Variants in UNC79 observed in about 807,000 individuals in gnomAD.
UNC79 encodes unc-79 subunit of NALCN channel complex, also known as protein unc-79 homolog.
Under a neutral mutation model 283.1 loss-of-function variants are expected in UNC79, and 37 were observed. The ratio of observed to expected loss-of-function variants is 0.13; its 90% CI spans 0.10 to 0.17. UNC79 has a LOEUF of 0.17. Ranked by LOEUF, UNC79 falls within the 10% of genes least tolerant of loss-of-function variation. The pLI is 1.00. For missense variants in UNC79, 2,272 were observed against 3,211.1 expected, an observed-to-expected ratio of 0.71 and a Z score of 7.07; for synonymous variants, 1,107 against 1,200.2, an observed-to-expected ratio of 0.92 and a Z score of 1.61.
chr14:93,534,393 T>A (rs1204419192), intron 11 of UNC79, among the ~76,000 whole-genome samples: 2 of 152,212 alleles, frequency 1.3e-5, no homozygotes, highest in Non-Finnish European at 2.9e-5. Flanking sequence ...ACTGCGTCTC[T>A]TTAGTTTTAG....
At chr14:93,475,667 G>A (rs967895674) in intron 3 of UNC79, among the ~76,000 whole-genome samples, 3 of 152,170 alleles carry the variant, frequency 2.0e-5, no homozygotes, top group Non-Finnish European at 2.9e-5. Context: ...TTGTCAGTGC[G>A]TCTCCTTCGT....
chr14:93,507,147 T>C (rs770755898), intron 7 of UNC79, among the ~76,000 whole-genome samples: 8 of 152,340 alleles, frequency 5.3e-5, no homozygotes, highest in Non-Finnish European at 8.8e-5. Context: ...AACCTTCCTA[T>C]TGATGTATAT....
intron 41 of UNC79, among the ~76,000 whole-genome samples, chr14:93,682,379 C>T (rs760053298): frequency 6.6e-6 from 1 of 152,028 alleles, no homozygotes; most frequent in Non-Finnish European, 1.5e-5. Flanking sequence ...TGATTGAATG[C>T]ACCATTTCAG....
intron 41 of UNC79, among the ~76,000 whole-genome samples, chr14:93,682,319 G>A (rs2073911855): frequency 6.6e-6 from 1 of 152,176 alleles, no homozygotes; most frequent in Admixed American, 6.5e-5. Flanking sequence ...ACAATAAATA[G>A]AATGACTTCA....
intron 13 of UNC79, among the ~76,000 whole-genome samples, chr14:93,542,148 G>A (rs762255992): frequency 6.6e-6 from 1 of 151,970 alleles, no homozygotes; most frequent in African/African-American, 2.4e-5. Context: ...TTTCATTGAG[G>A]ATATTGATGA....
intron 4 of UNC79, among the ~76,000 whole-genome samples, chr14:93,485,421 G>A (rs1405354426): frequency 6.6e-6 from 1 of 151,788 alleles, no homozygotes; most frequent in Non-Finnish European, 1.5e-5. Flanking sequence ...GTGGTCCAAA[G>A]CCAGCTTGCA....
intron 46 of UNC79, among the ~76,000 whole-genome samples, chr14:93,693,323 G>A (rs1019943154): frequency 2.6e-5 from 4 of 152,116 alleles, no homozygotes; most frequent in Admixed American, 2.0e-4. Flanking sequence ...CAAAACTGAG[G>A]CCTTACACTT....
intron 22 of UNC79, among the ~76,000 whole-genome samples, chr14:93,588,188 T>C (rs925350236): frequency 6.6e-6 from 1 of 152,156 alleles, no homozygotes; most frequent in Non-Finnish European, 1.5e-5. Flanking sequence ...AAGATAGGGA[T>C]TTTATTTAAT....
chr14:93,577,053 A>T (rs2063516401), intron 17 of UNC79, among the ~76,000 whole-genome samples: 1 of 140,470 alleles, frequency 7.1e-6, no homozygotes, highest in African/African-American at 2.5e-5. Flanking sequence ...TCAAAAACTT[A>T]GCTGGGCCTG....
At chr14:93,562,087 C>T (rs1368946293) in intron 14 of UNC79, among the ~76,000 whole-genome samples, 1 of 152,134 alleles carries the variant, frequency 6.6e-6, no homozygotes, top group Admixed American at 6.5e-5. Flanking sequence ...GGAGTACTTG[C>T]GACTTCCAGG....
In UNC79 at chr14:93,586,889, G is replaced by A. The variant is rs184571396; in HGVS notation, c.3013G>A (p.Asp1005Asn). 1.2e-5 allele frequency: 20 copies of A among 1,613,832 alleles called. No individual in the cohort carries two copies. The East Asian group carries it at 4.5e-4, about 36-fold the overall frequency. ...CCCTCAATTTTTAGCCTACATTCAG[G>A]ACCACATGTTGATTGCAAGGTACGT... Residue 1005 changes from aspartate (D) to asparagine (N), a missense_variant, in exon 22 of 49, where the codon GAC (aspartate) becomes AAC (asparagine). Asp to Asn is a conservative substitution (Grantham distance 23). Around this residue, in one of 11 missense-constraint regions of UNC79, gnomAD observed 237 missense variants for 378.9 expected, o/e 0.63. Coordinates refer to ENST00000555664, the Ensembl canonical transcript of UNC79.
intron 27 of UNC79, among the ~76,000 whole-genome samples, chr14:93,613,347 T>A (rs1303034263): frequency 1.3e-5 from 2 of 151,796 alleles, no homozygotes; most frequent in Non-Finnish European, 2.9e-5. Flanking sequence ...AGAAAGATGC[T>A]AACCTTGTAG....
chr14:93,371,487 G>A (rs2054445068), intron 1 of UNC79, among the ~76,000 whole-genome samples: 1 of 152,040 alleles, frequency 6.6e-6, no homozygotes, highest in South Asian at 2.1e-4. Context: ...TGAAAACGCA[G>A]AAAAAAATTC....
chr14:93,403,452 C>G (rs1428603121), intron 1 of UNC79, among the ~76,000 whole-genome samples: 1 of 152,182 alleles, frequency 6.6e-6, no homozygotes, highest in Admixed American at 6.5e-5. Context: ...AAATGGGAGG[C>G]AGGTTTGCCT....
In UNC79 at chr14:93,396,767, A is replaced by ATGTGTGTGTGTGTG. The variant is rs1413500764; in HGVS notation, c.-351+63253_-351+63254insGTGTGTGTGTGTGT. Reference sequence around the variant, plus strand: ...AAATCTCCCAGTCTTTGCAAAGGGCATGTGTGTGTATGTGTGTGTGTGTGT... The same window carrying ATGTGTGTGTGTGTG: ...AAATCTCCCAGTCTTTGCAAAGGGCATGTGTGTGTGTGTGTGTGTGTGTATGTGTGTGTGTGTGT... On this transcript the variant is annotated intron_variant, in intron 1 of 49. Coordinates refer to the UNC79 transcript ENST00000256339. 7.9e-3 allele frequency among the ~76,000 whole-genome samples: 603 copies of ATGTGTGTGTGTGTG among 76,478 alleles called. 2 individuals are homozygous for ATGTGTGTGTGTGTG. Among genetic ancestry groups the ATGTGTGTGTGTGTG allele is most frequent in the Non-Finnish European group, 0.012 (362 of 31,218 alleles). The allele number at this position is 76,478 out of a possible 152,430, so 50.2% of individuals were successfully genotyped here. A position where few individuals can be genotyped will look rare whatever the true frequency, so the allele number is the denominator to read the frequency against.
chr14:93,704,609 G>A lies in UNC79; in HGVS notation c.7549-16G>A. The A allele has an allele frequency of 2.5e-6, 4 of 1,614,026 alleles. No individual in the cohort carries two copies. The highest frequency in any genetic ancestry group is 3.4e-6 in the Non-Finnish European group (4 of 1,179,870). On this transcript the variant is annotated splice_polypyrimidine_tract_variant and intron_variant, in intron 47 of 48. Transcript: ENST00000555664. Reference sequence around the variant, plus strand: ...AGAGGACACTAATAATGAAGCTTTTGTCTTTCTCTATACAGCTGATACCTA... The same window carrying A: ...AGAGGACACTAATAATGAAGCTTTTATCTTTCTCTATACAGCTGATACCTA...
chr14:93,447,389 A>G (rs1162554956), intron 1 of UNC79, among the ~76,000 whole-genome samples: 4 of 152,164 alleles, frequency 2.6e-5, no homozygotes, highest in African/African-American at 9.6e-5. Context: ...GAAATCTTGC[A>G]ACTTTATAGG....
intron 1 of UNC79, among the ~76,000 whole-genome samples, chr14:93,460,602 T>C (rs2056933946): frequency 6.6e-6 from 1 of 152,128 alleles, no homozygotes; most frequent in African/African-American, 2.4e-5. Flanking sequence ...ACTCTGCTGG[T>C]ATGTAAACAG....
intron 1 of UNC79, among the ~76,000 whole-genome samples, chr14:93,352,614 T>C (rs1415888728): frequency 2.0e-5 from 3 of 152,212 alleles, no homozygotes; most frequent in African/African-American, 7.2e-5. Context: ...TTTTGTTCTA[T>C]AAAGGCACTG....
Sources: gnomAD v4.1 joint callset for allele counts (sites outside exome capture counted in the v4.1 genomes callset) on GRCh38, gnomAD v4.1.1 for gene constraint, gnomAD v4.1.1 regional missense constraint, MANE v1.5 for transcripts, NCBI Gene and HGNC (gene_info 2026-07-23, HGNC 2026-07-21) for gene names.